The following NKAIN3 variants were observed in gnomAD, a reference collection of about 807,000 sequenced individuals.
The protein encoded by NKAIN3 is sodium/potassium-transporting ATPase subunit beta-1-interacting protein 3.
A neutral mutation model predicts 30.2 loss-of-function variants in NKAIN3; 25 were observed. That is an observed-to-expected ratio of 0.83 (90% CI 0.60 to 1.16). NKAIN3 has a LOEUF of 1.16. Among genes scored for constraint, NKAIN3 ranks in the 50% most tolerant of loss-of-function variants. The pLI is 0.00. For missense variants in NKAIN3, 225 were observed against 254.1 expected, an observed-to-expected ratio of 0.89 and a Z score of 0.78; for synonymous variants, 91 against 89.6, an observed-to-expected ratio of 1.02 and a Z score of -0.09.
chr8:62,899,601 G>A (rs1031947258), intron 4 of NKAIN3, among the ~76,000 whole-genome samples: 2 of 152,094 alleles, frequency 1.3e-5, no homozygotes, highest in Non-Finnish European at 2.9e-5. Context: ...TAGCGGGAGG[G>A]GTTAGAGGAG....
At chr8:62,820,823 ACT>A (rs1441409522) in intron 4 of NKAIN3, among the ~76,000 whole-genome samples, 1 of 152,010 alleles carries the variant, frequency 6.6e-6, no homozygotes, top group Non-Finnish European at 1.5e-5. Context: ...TGAAGAAGAA[ACT>A]CTAAGTAAAC....
At chr8:62,713,434 G>T (rs1008428650) in intron 3 of NKAIN3, among the ~76,000 whole-genome samples, 1 of 152,136 alleles carries the variant, frequency 6.6e-6, no homozygotes, top group Admixed American at 6.5e-5. Context: ...CTCCAGTAAT[G>T]CAACATATAG....
intron 1 of NKAIN3, among the ~76,000 whole-genome samples, chr8:62,478,531 A>G (rs750832034): frequency 2.6e-5 from 4 of 152,146 alleles, no homozygotes; most frequent in Non-Finnish European, 5.9e-5. Context: ...ACCAACACTA[A>G]GTCATGCAAT....
At chr8:62,837,079 G>A (rs1819387649) in intron 4 of NKAIN3, among the ~76,000 whole-genome samples, 1 of 152,088 alleles carries the variant, frequency 6.6e-6, no homozygotes, top group African/African-American at 2.4e-5. Context: ...TGTTTTCTAA[G>A]AAAACATTAC....
chr8:62,317,889 T>C (rs1247569564), intron 1 of NKAIN3, among the ~76,000 whole-genome samples: 4 of 152,240 alleles, frequency 2.6e-5, no homozygotes, highest in Non-Finnish European at 5.9e-5. Context: ...TTTCACGATA[T>C]TGATTCTTCC....
At chr8:62,368,651 A>G (rs925385934) in intron 1 of NKAIN3, among the ~76,000 whole-genome samples, 8 of 152,302 alleles carry the variant, frequency 5.3e-5, no homozygotes, top group Admixed American at 2.6e-4. Flanking sequence ...ACCTTGTGCA[A>G]AAGGCCATCA....
intron 4 of NKAIN3, among the ~76,000 whole-genome samples, chr8:62,891,234 G>T (rs1047988526): frequency 2.0e-5 from 3 of 152,162 alleles, no homozygotes; most frequent in East Asian, 1.9e-4. Context: ...GACAGAAAAA[G>T]GTGGGAGAAA....
In NKAIN3 at chr8:62,788,062, G is replaced by A. The variant is rs554208909; in HGVS notation, c.471+40933G>A. ...ATTTGGGTATACACCCAGTAATGGG[G>A]TGGCTGGGTCAAATGGTATTTCTAG... is the stretch of plus-strand genomic sequence containing the variant. On this transcript the variant is annotated intron_variant, in intron 4 of 6. Transcript: ENST00000623646. Among the ~76,000 whole-genome samples the A allele has an allele frequency of 1.7e-3, 259 of 152,166 alleles. 1 individual carries two copies. The highest frequency in any genetic ancestry group is 5.7e-3 in the African/African-American group (238 of 41,532).
At chr8:62,481,952 A>G (rs984066760) in intron 1 of NKAIN3, among the ~76,000 whole-genome samples, 1 of 152,186 alleles carries the variant, frequency 6.6e-6, no homozygotes, top group African/African-American at 2.4e-5. Context: ...TCACCAGCCC[A>G]CAAAACCCAA....
chr8:62,887,876 G>C (rs1420349032), intron 4 of NKAIN3, among the ~76,000 whole-genome samples: 1 of 152,124 alleles, frequency 6.6e-6, no homozygotes, highest in Non-Finnish European at 1.5e-5. Context: ...CCATTTCTGA[G>C]TCTGGCTCTG....
intron 1 of NKAIN3, among the ~76,000 whole-genome samples, chr8:62,335,195 G>A (rs1246482838): frequency 2.0e-5 from 3 of 152,046 alleles, no homozygotes; most frequent in Non-Finnish European, 4.4e-5. Context: ...AGCATTTTGG[G>A]AGGCTGAGGC....
chr8:62,917,156 A>T (rs1822133574), intron 4 of NKAIN3, among the ~76,000 whole-genome samples: 1 of 151,954 alleles, frequency 6.6e-6, no homozygotes, highest in Non-Finnish European at 1.5e-5. Flanking sequence ...GCACACACAC[A>T]CATCCTGCCC....
chr8:62,391,825 G>A (rs1817590819), intron 1 of NKAIN3, among the ~76,000 whole-genome samples: 1 of 151,924 alleles, frequency 6.6e-6, no homozygotes, highest in South Asian at 2.1e-4. Flanking sequence ...GTATGCGTGT[G>A]TGGGTGTGTG....
At chr8:62,424,224 T>C (rs1804731146) in intron 1 of NKAIN3, among the ~76,000 whole-genome samples, 1 of 151,828 alleles carries the variant, frequency 6.6e-6, no homozygotes, top group South Asian at 2.1e-4. Context: ...AGAAGAAAAT[T>C]TAGAGGAAAG....
intron 3 of NKAIN3, among the ~76,000 whole-genome samples, chr8:62,726,362 G>A (rs1815258018): frequency 6.6e-6 from 1 of 151,918 alleles, no homozygotes; most frequent in Non-Finnish European, 1.5e-5. Context: ...GTGCATCCTT[G>A]TTGTATTCCA....
chr8:62,760,805 T>C (rs571694887), intron 4 of NKAIN3, among the ~76,000 whole-genome samples: 1 of 152,250 alleles, frequency 6.6e-6, no homozygotes, highest in Admixed American at 6.5e-5. Flanking sequence ...AGGTAAACTT[T>C]AGTCATTTCA....
chr8:62,831,010 A>G (rs1586245652), intron 4 of NKAIN3, among the ~76,000 whole-genome samples: 1 of 152,172 alleles, frequency 6.6e-6, no homozygotes, highest in South Asian at 2.1e-4. Flanking sequence ...TGCTTGAGGC[A>G]GCAGAGAGAG....
At chr8:62,484,527 G>C (rs546344403) in intron 1 of NKAIN3, among the ~76,000 whole-genome samples, 1 of 152,220 alleles carries the variant, frequency 6.6e-6, no homozygotes, top group East Asian at 1.9e-4. Context: ...ATTGCATCTT[G>C]GTTTTGAGCA....
intron 1 of NKAIN3, among the ~76,000 whole-genome samples, chr8:62,445,313 CTT>C (rs71255337): frequency 5.6e-5 from 8 of 143,408 alleles, no homozygotes; most frequent in Non-Finnish European, 3.1e-5. Context: ...ATCTACGTGT[CTT>C]TTTTTTTTTT....
Sources: gnomAD v4.1 joint callset for allele counts (sites outside exome capture counted in the v4.1 genomes callset) on GRCh38, gnomAD v4.1.1 for gene constraint, MANE v1.5 for transcripts, NCBI Gene and HGNC (gene_info 2026-07-23, HGNC 2026-07-21) for gene names.